Variants in ADAMTSL1 observed in about 807,000 individuals in gnomAD.
The protein encoded by ADAMTSL1 is ADAMTS-like protein 1.
In ADAMTSL1, 126 loss-of-function variants were observed where a neutral mutation model predicts 201.8. The observed-to-expected ratio is 0.62, with a 90% CI of 0.54 to 0.72. The LOEUF (loss-of-function observed/expected upper bound fraction) is 0.72, where lower values mean the gene tolerates loss of function less well. Among genes scored for constraint, ADAMTSL1 ranks in the 30% least tolerant of loss-of-function variants. The pLI is 0.00. For synonymous variants in ADAMTSL1, 1,121 were observed against 903.4 expected (o/e 1.24, Z -4.32); for missense variants, 2,679 against 2,277.8 (o/e 1.18, Z -3.59).
chr9:18,423,530 T>C (rs1819058245), intron 2 of ADAMTSL1, among the ~76,000 whole-genome samples: 2 of 152,188 alleles, frequency 1.3e-5, no homozygotes, highest in East Asian at 1.9e-4. Context: ...AAACCTTTCA[T>C]GAGAATCTTT....
At position 18,574,342 on chromosome 9, in the gene ADAMTSL1, A is replaced by C. The variant is rs148171433; in HGVS notation, c.474+76A>C. On this transcript the variant is annotated intron_variant, in intron 4 of 28. Coordinates refer to ENST00000380548, the MANE Select transcript of ADAMTSL1 (RefSeq NM_001040272.6). ...TTGTGTAAATGGTTTACATAGTCTC[A>C]CTCTCTGAATCACTCATCTTTACAC... 157 of 1,252,326 alleles carry C rather than the reference A, an allele frequency of 1.3e-4. No individual in the cohort carries two copies. The African/African-American group carries it at 2.1e-3, about 17-fold the overall frequency. 77.6% of individuals were successfully genotyped at this position (1,252,326 alleles called of 1,614,324 possible).
rs532763977 is a variant in ADAMTSL1, at chr9:18,177,465, C to T, written c.207+13484C>T. 7.9e-4 allele frequency among the ~76,000 whole-genome samples: 120 copies of T among 152,222 alleles called. 2 individuals carry two copies. The South Asian group carries it at 0.023, about 29-fold the overall frequency. On this transcript the variant is annotated intron_variant, in intron 2 of 29. Transcript: ENST00000680146. ...TGCCTGAAACTTCCCCAGACAGTGG[C>T]GTGAAAATAGACATTTGTTTTTTCC...
intron 13 of ADAMTSL1, among the ~76,000 whole-genome samples, chr9:18,702,751 T>A (rs1231076309): frequency 6.6e-6 from 1 of 152,138 alleles, no homozygotes; most frequent in Non-Finnish European, 1.5e-5. Flanking sequence ...AACAGTAGTG[T>A]TGCTAACAAA....
chr9:18,215,211 T>C (rs1214153837), intron 2 of ADAMTSL1, among the ~76,000 whole-genome samples: 1 of 152,188 alleles, frequency 6.6e-6, no homozygotes, highest in African/African-American at 2.4e-5. Context: ...TGAATTTATT[T>C]TACTGTAATA....
chr9:18,667,028 G>A, intron 9 of ADAMTSL1, among the ~76,000 whole-genome samples: 1 of 150,994 alleles, frequency 6.6e-6, no homozygotes, highest in South Asian at 2.1e-4. Flanking sequence ...TTGGCAAGAG[G>A]TGGACAAGTG....
intron 2 of ADAMTSL1, among the ~76,000 whole-genome samples, chr9:18,370,280 C>G (rs927127137): frequency 4.7e-5 from 6 of 127,090 alleles, no homozygotes; most frequent in Non-Finnish European, 8.4e-5. Context: ...GACTCCATCT[C>G]AAAAAAAAAA....
At position 18,224,979 on chromosome 9, in the gene ADAMTSL1, C is replaced by A. The variant is rs1390691203; in HGVS notation, c.207+60998C>A. Among the ~76,000 whole-genome samples the A allele has an allele frequency of 2.6e-5, 4 of 152,158 alleles. No individual in the cohort carries two copies. The East Asian group carries it at 7.7e-4, about 29-fold the overall frequency. On this transcript the variant is annotated intron_variant, in intron 2 of 29. Transcript: ENST00000680146. ...ATTATCAGCATCTTCATGCATAAAA[C>A]TTTTTCTAAATTTCTCATCTTTTTA...
At chr9:18,587,885 C>T (rs1007057971) in intron 4 of ADAMTSL1, among the ~76,000 whole-genome samples, 1 of 151,986 alleles carries the variant, frequency 6.6e-6, no homozygotes, top group Non-Finnish European at 1.5e-5. Flanking sequence ...TTGATGAACA[C>T]TTAGGTTGAT....
intron 2 of ADAMTSL1, among the ~76,000 whole-genome samples, chr9:18,520,478 T>C (rs1818626373): frequency 6.6e-6 from 1 of 152,260 alleles, no homozygotes; most frequent in African/African-American, 2.4e-5. Flanking sequence ...ATGTTATCTA[T>C]GCCAAAGAAA....
intron 1 of ADAMTSL1, among the ~76,000 whole-genome samples, chr9:18,004,724 T>G (rs2131541214): frequency 6.6e-6 from 1 of 152,134 alleles, no homozygotes; most frequent in African/African-American, 2.4e-5. Context: ...TTACAGGGTA[T>G]GACTAAAGAT....
At chr9:18,762,346 TA>T (rs1355977768) in intron 16 of ADAMTSL1, among the ~76,000 whole-genome samples, 2 of 151,846 alleles carry the variant, frequency 1.3e-5, no homozygotes, top group Admixed American at 6.6e-5. Flanking sequence ...AAGTGGCCTT[TA>T]AAAAAAATAC....
At chr9:18,458,550 G>A (rs556079103) in intron 2 of ADAMTSL1, among the ~76,000 whole-genome samples, 8 of 152,198 alleles carry the variant, frequency 5.3e-5, no homozygotes, top group South Asian at 2.1e-4. Context: ...CCTTCATGTC[G>A]AGTGTCAAAT....
intron 1 of ADAMTSL1, among the ~76,000 whole-genome samples, chr9:17,981,724 C>T (rs1818708657): frequency 6.6e-6 from 1 of 152,304 alleles, no homozygotes; most frequent in Middle Eastern, 3.4e-3. Context: ...ATTCAAGGTT[C>T]ACTGTATGAT....
intron 1 of ADAMTSL1, among the ~76,000 whole-genome samples, chr9:18,120,105 C>G (rs908605049): frequency 6.6e-6 from 1 of 152,176 alleles, no homozygotes; most frequent in African/African-American, 2.4e-5. Flanking sequence ...GGATCAGGCT[C>G]TCTCTAGGGT....
intron 23 of ADAMTSL1, among the ~76,000 whole-genome samples, chr9:18,876,327 T>TGTGTGTGTGTGTGC (rs939847893): frequency 1.3e-5 from 2 of 151,374 alleles, no homozygotes; most frequent in African/African-American, 4.9e-5. Flanking sequence ...TGTGTGTGTG[T>TGTGTGTGTGTGTGC]GTGCGTGATT....
intron 2 of ADAMTSL1, among the ~76,000 whole-genome samples, chr9:18,178,086 G>A (rs1465263842): frequency 6.6e-6 from 1 of 152,184 alleles, no homozygotes; most frequent in South Asian, 2.1e-4. Flanking sequence ...GCAGAAGAAG[G>A]GTGATTTCTG....
chr9:18,682,997 G>C (rs1234743072), intron 12 of ADAMTSL1, among the ~76,000 whole-genome samples: 4 of 152,206 alleles, frequency 2.6e-5, no homozygotes, highest in Non-Finnish European at 5.9e-5. Context: ...GGTTAACCTA[G>C]TGCCTGCAAT....
intron 9 of ADAMTSL1, among the ~76,000 whole-genome samples, chr9:18,663,550 A>G (rs1829242400): frequency 6.6e-6 from 1 of 152,116 alleles, no homozygotes; most frequent in Non-Finnish European, 1.5e-5. Flanking sequence ...GCATAACTGT[A>G]ATAGGAAGAC....
At chr9:18,571,569 C>T (rs139399889) in intron 3 of ADAMTSL1, among the ~76,000 whole-genome samples, 13 of 152,226 alleles carry the variant, frequency 8.5e-5, no homozygotes, top group Admixed American at 7.2e-4. Context: ...TTAGACGCTC[C>T]CATTCAATGA....
Sources: gnomAD v4.1 joint callset for allele counts (sites outside exome capture counted in the v4.1 genomes callset) on GRCh38, gnomAD v4.1.1 for gene constraint, MANE v1.5 for transcripts, NCBI Gene and HGNC (gene_info 2026-07-23, HGNC 2026-07-21) for gene names.